The following PLXNA4 variants were observed in gnomAD, a reference collection of about 807,000 sequenced individuals.
PLXNA4 encodes plexin A4.
PLXNA4 carries 44 observed loss-of-function variants against 191.8 expected under a neutral mutation model. The ratio of observed to expected loss-of-function variants is 0.23; its 90% confidence interval spans 0.18 to 0.29. The LOEUF (loss-of-function observed/expected upper bound fraction) is 0.29, where lower values mean the gene tolerates loss of function less well. Among genes scored for constraint, PLXNA4 ranks in the 10% least tolerant of loss-of-function variants. PLXNA4 has a pLI of 1.00. For missense variants in PLXNA4, 1,800 were observed against 2,488.8 expected, an observed-to-expected ratio of 0.72 and a Z score of 5.89; for synonymous variants, 1,082 against 1,009.5, an observed-to-expected ratio of 1.07 and a Z score of -1.36.
intron 1 of PLXNA4, among the ~76,000 whole-genome samples, chr7:132,531,960 C>A (rs1182869410): frequency 1.3e-5 from 2 of 152,170 alleles, no homozygotes; most frequent in African/African-American, 2.4e-5. Context: ...GATGCGGTAA[C>A]TCAAAATCCG....
intron 26 of PLXNA4, 35 bp from the exon 27 acceptor site, chr7:132,148,034 G>A: frequency 6.2e-7 from 1 of 1,613,920 alleles, no homozygotes; most frequent in African/African-American, 1.3e-5. Flanking sequence ...CCTAGGCACA[G>A]CAGCTCTGCC....
At chr7:132,262,572 C>G (rs577708802) in intron 4 of PLXNA4, among the ~76,000 whole-genome samples, 468 of 152,268 alleles carry the variant, frequency 3.1e-3, no homozygotes, top group Middle Eastern at 0.01. Flanking sequence ...GCCTGCCTCT[C>G]CCAGCCCACT....
chr7:132,498,062 A>T (rs908349994), intron 2 of PLXNA4, among the ~76,000 whole-genome samples: 13 of 152,164 alleles, frequency 8.5e-5, no homozygotes, highest in Non-Finnish European at 1.2e-4. Flanking sequence ...TTCACTTTCC[A>T]TGGTTTCAGT....
At chr7:132,450,353 C>T (rs560942563) in intron 3 of PLXNA4, among the ~76,000 whole-genome samples, 1 of 152,290 alleles carries the variant, frequency 6.6e-6, no homozygotes, top group Admixed American at 6.5e-5. Flanking sequence ...GGAGGGAGTG[C>T]TCCTCCAAGG....
chr7:132,238,125 T>C (rs1440091247), intron 5 of PLXNA4, among the ~76,000 whole-genome samples: 1 of 152,108 alleles, frequency 6.6e-6, no homozygotes, highest in Admixed American at 6.5e-5. Context: ...ATGGAGAAAA[T>C]AGCTGTGTTG....
chr7:132,497,299 G>T (rs1798065319), intron 2 of PLXNA4, among the ~76,000 whole-genome samples: 1 of 152,220 alleles, frequency 6.6e-6, no homozygotes, highest in Non-Finnish European at 1.5e-5. Flanking sequence ...AAGCTCTGCA[G>T]TACAGGGAGA....
At chr7:132,146,359 C>A in intron 28 of PLXNA4, 151 bp downstream of exon 28, 1 of 1,266,220 alleles carries the variant, frequency 7.9e-7, no homozygotes, top group Non-Finnish European at 1.1e-6. Flanking sequence ...AGGTTCGGTA[C>A]GGGGAATGGT....
chr7:132,194,000 G>A, intron 14 of PLXNA4, 62 bp downstream of exon 14: 3 of 1,564,346 alleles, frequency 1.9e-6, no homozygotes, highest in African/African-American at 1.3e-5. Context: ...GAGGGGCCCA[G>A]CAATCATGGT....
chr7:132,408,336 G>T (rs1794306892), intron 3 of PLXNA4, among the ~76,000 whole-genome samples: 2 of 152,134 alleles, frequency 1.3e-5, no homozygotes, highest in African/African-American at 4.8e-5. Context: ...ATTAATGATA[G>T]CTGCAGGCGG....
Position 132,576,377 on chromosome 7 carries a change from C to T in PLXNA4, c.-87+45G>A. 2 of 985,710 alleles carry T rather than the reference C, an allele frequency of 2.0e-6. No homozygotes were observed. The highest frequency in any genetic ancestry group is 1.7e-5 in the African/African-American group (1 of 57,290). 61.1% of individuals were successfully genotyped at this position (985,710 alleles called of 1,614,324 possible). On this transcript the variant is annotated intron_variant, in intron 1 of 31. Transcript: ENST00000321063. The surrounding 1 kb of genome is among the most constrained non-coding windows in gnomAD (Gnocchi z 5.8). ...CCCAGGTCTGTCCGACCTTGCTGCC[C>T]TCGCCGCCCGCCCGGCCCCACTCCC...
At chr7:132,270,977 G>A (rs934326054) in intron 4 of PLXNA4, 1 of 152,168 alleles carries the variant, frequency 6.6e-6, no homozygotes, top group Non-Finnish European at 1.5e-5. Flanking sequence ...ACATAGAAAT[G>A]GAGCTTCCCT....
At chr7:132,542,098 G>A (rs1242625242) in intron 1 of PLXNA4, among the ~76,000 whole-genome samples, 2 of 152,250 alleles carry the variant, frequency 1.3e-5, no homozygotes, top group Non-Finnish European at 2.9e-5. Context: ...GAGGTGGGTG[G>A]TCTCTGTGTT....
intron 3 of PLXNA4, among the ~76,000 whole-genome samples, chr7:132,411,854 T>A (rs1448991758): frequency 1.3e-5 from 2 of 152,120 alleles, no homozygotes; most frequent in African/African-American, 4.8e-5. Context: ...ATGTGAAGGA[T>A]CCCAAATTCT....
chr7:132,560,233 A>C (rs1800980954), intron 1 of PLXNA4, among the ~76,000 whole-genome samples: 1 of 152,184 alleles, frequency 6.6e-6, no homozygotes, highest in East Asian at 1.9e-4. Flanking sequence ...GCACGCACCG[A>C]GGAAGGGAAC....
chr7:132,151,640 G>C (rs1333911025), intron 25 of PLXNA4, among the ~76,000 whole-genome samples: 1 of 151,432 alleles, frequency 6.6e-6, no homozygotes, highest in Non-Finnish European at 1.5e-5. Flanking sequence ...GGAAGGAGAG[G>C]AAGAAGAGGA....
chr7:132,277,910 C>G (rs1449611659), intron 4 of PLXNA4, among the ~76,000 whole-genome samples: 1 of 152,148 alleles, frequency 6.6e-6, no homozygotes, highest in Admixed American at 6.5e-5. Context: ...ATGGGTGTGA[C>G]CAAGTTCCAA....
intron 1 of PLXNA4, among the ~76,000 whole-genome samples, chr7:132,527,437 G>A (rs1214299435): frequency 6.7e-6 from 1 of 148,288 alleles, no homozygotes; most frequent in Non-Finnish European, 1.5e-5. Context: ...TGAGGAAAGT[G>A]AAGTTTAAAG....
chr7:132,157,481 G>A (rs1795831387), intron 25 of PLXNA4, among the ~76,000 whole-genome samples: 2 of 152,210 alleles, frequency 1.3e-5, no homozygotes, highest in Non-Finnish European at 2.9e-5. Flanking sequence ...AAGTTCACGG[G>A]GCTGCCTTCT....
chr7:132,475,399 C>A (rs142388044), intron 3 of PLXNA4, among the ~76,000 whole-genome samples: 1 of 152,122 alleles, frequency 6.6e-6, no homozygotes, highest in African/African-American at 2.4e-5. Flanking sequence ...GACAAAGAAA[C>A]GGAACCCCCT....
Sources: gnomAD v4.1 joint callset for allele counts (sites outside exome capture counted in the v4.1 genomes callset) on GRCh38, gnomAD v4.1.1 for gene constraint, Gnocchi (gnomAD v3.1) non-coding constraint, MANE v1.5 for transcripts, NCBI Gene and HGNC (gene_info 2026-07-23, HGNC 2026-07-21) for gene names.